IQSEC1: variants seen among roughly 807,000 people sequenced by gnomAD.
IQSEC1 encodes IQ motif and SEC7 domain-containing protein 1.
Under a neutral mutation model 91.0 loss-of-function variants are expected in IQSEC1, and 31 were observed. The ratio of observed to expected loss-of-function variants is 0.34; its 90% CI spans 0.26 to 0.46. The LOEUF (loss-of-function observed/expected upper bound fraction) is 0.46. Among genes scored for constraint, IQSEC1 ranks in the 20% least tolerant of loss-of-function variants. The pLI, the probability that IQSEC1 is intolerant of heterozygous loss-of-function variation, is 1.00. For missense variants in IQSEC1, 1,388 were observed against 1,575.6 expected, an observed-to-expected ratio of 0.88 and a Z score of 2.02; for synonymous variants, 699 against 662.6, an observed-to-expected ratio of 1.05 and a Z score of -0.84.
At chr3:13,003,931 G>A (rs982550395) in intron 1 of IQSEC1, among the ~76,000 whole-genome samples, 19 of 152,154 alleles carry the variant, frequency 1.2e-4, no homozygotes, top group African/African-American at 4.1e-4. Flanking sequence ...GGGAAAAATC[G>A]GTTTTTAAGA....
intron 2 of IQSEC1, among the ~76,000 whole-genome samples, chr3:13,113,527 G>T (rs938802200): frequency 6.6e-6 from 1 of 152,210 alleles, no homozygotes; most frequent in African/African-American, 2.4e-5. Flanking sequence ...TGCACCTGCC[G>T]CCCCTCAGGA....
intron 2 of IQSEC1, among the ~76,000 whole-genome samples, chr3:13,163,751 A>G (rs1362038329): frequency 7.1e-6 from 1 of 141,764 alleles, no homozygotes; most frequent in Non-Finnish European, 1.5e-5. Flanking sequence ...GCCCAGCCCC[A>G]GGGGTGTCAG....
At chr3:13,053,233 A>G in intron 1 of IQSEC1, 2 of 611,020 alleles carry the variant, frequency 3.3e-6, no homozygotes, top group South Asian at 1.8e-5. Flanking sequence ...CCATCCTTCC[A>G]TGAGCTTCTC....
At chr3:13,093,099 A>G (rs1030081562) in intron 2 of IQSEC1, among the ~76,000 whole-genome samples, 1 of 150,888 alleles carries the variant, frequency 6.6e-6, no homozygotes, top group Non-Finnish European at 1.5e-5. Flanking sequence ...TGACTAAATC[A>G]CATCTCGGTG....
Position 12,922,439 on chromosome 3 carries a change from A to G in IQSEC1, c.1731-197T>C, listed in dbSNP as rs555441637. ...CCTCCAGTCTTCTGGGGAGCCCACA[A>G]AGCCCCTGGAACTGTAGGGAAGCGC... is the stretch of plus-strand genomic sequence containing the variant. On this transcript the variant is annotated intron_variant, in intron 4 of 13. Coordinates refer to ENST00000613206, the MANE Select transcript of IQSEC1 (RefSeq NM_001134382.3). This position sits in a 1 kb window ranked among gnomAD's most constrained non-coding sequence, Gnocchi z 5.1. Among the ~76,000 whole-genome samples, 1 of 152,298 alleles carries G rather than the reference A, an allele frequency of 6.6e-6. No homozygotes were observed. Among genetic ancestry groups the G allele is most frequent in the East Asian group, 1.9e-4 (1 of 5,172 alleles).
chr3:13,142,925 C>G (rs775727140), intron 2 of IQSEC1, among the ~76,000 whole-genome samples: 16 of 152,214 alleles, frequency 1.1e-4, no homozygotes, highest in Non-Finnish European at 2.1e-4. Context: ...ACCAGCTGCC[C>G]CTGCCTGGGA....
intron 2 of IQSEC1, among the ~76,000 whole-genome samples, chr3:12,941,041 A>G (rs922162556): frequency 6.6e-6 from 1 of 152,312 alleles, no homozygotes; most frequent in South Asian, 2.1e-4. Flanking sequence ...TTCCCACAGG[A>G]GCAGGGAGGT....
At chr3:12,952,648 A>G (rs1699628849) in intron 1 of IQSEC1, among the ~76,000 whole-genome samples, 1 of 151,182 alleles carries the variant, frequency 6.6e-6, no homozygotes. Flanking sequence ...CCTCCTCTGA[A>G]CCCCCTGGCC....
At chr3:13,199,043 A>G (rs1197327575) in intron 1 of IQSEC1, among the ~76,000 whole-genome samples, 2 of 152,196 alleles carry the variant, frequency 1.3e-5, no homozygotes, top group African/African-American at 4.8e-5. Context: ...CCATGCACAT[A>G]AAGGGTGTGG....
intron 1 of IQSEC1, among the ~76,000 whole-genome samples, chr3:13,013,994 C>G (rs774326493): frequency 6.6e-6 from 1 of 152,152 alleles, no homozygotes; most frequent in Non-Finnish European, 1.5e-5. Flanking sequence ...TGGGCTGGAC[C>G]GAAATGGGCC....
chr3:13,281,157 C>T (rs866188613), intron 1 of IQSEC1, among the ~76,000 whole-genome samples: 3 of 152,204 alleles, frequency 2.0e-5, no homozygotes, highest in African/African-American at 7.2e-5. Flanking sequence ...GCCCTGGTGC[C>T]GCCTCCCCAA....
At position 12,989,386 on chromosome 3, in the gene IQSEC1, G is replaced by C. The variant is rs549697321; in HGVS notation, c.24-47521C>G. Among the ~76,000 whole-genome samples the C allele has an allele frequency of 3.9e-5, 6 of 152,276 alleles. No individual in the cohort carries two copies. In the South Asian group the frequency reaches 1.2e-3, roughly 32 times the overall value. On this transcript the variant is annotated intron_variant, in intron 1 of 13. Transcript: ENST00000613206. ...CTGTGATATCCCAAAGGAGAAAACA[G>C]AAAAACAACTGTATGATACTGACAC...
chr3:13,010,818 T>G (rs748633267), intron 1 of IQSEC1, among the ~76,000 whole-genome samples: 41 of 152,176 alleles, frequency 2.7e-4, no homozygotes, highest in Non-Finnish European at 4.6e-4. Flanking sequence ...GCCTTCCTTT[T>G]TGTCCTGAAC....
chr3:13,280,974 G>A (rs1695778855), intron 1 of IQSEC1, among the ~76,000 whole-genome samples: 1 of 150,892 alleles, frequency 6.6e-6, no homozygotes. Context: ...ATGCAACCCA[G>A]GGGGATGCCC....
At chr3:13,114,779 T>G (rs1576256727) in intron 2 of IQSEC1, among the ~76,000 whole-genome samples, 2 of 125,842 alleles carry the variant, frequency 1.6e-5, no homozygotes, top group Non-Finnish European at 3.1e-5. Flanking sequence ...GGTGACAGAG[T>G]GAGACATCGT....
intron 1 of IQSEC1, among the ~76,000 whole-genome samples, chr3:13,233,914 G>C (rs1694876585): frequency 6.6e-6 from 1 of 152,304 alleles, no homozygotes; most frequent in East Asian, 1.9e-4. Context: ...CCAAAAAGTG[G>C]GGAGGGTGAA....
Position 13,234,065 on chromosome 3 carries a change from C to A in IQSEC1, c.272+48646G>T, listed in dbSNP as rs142325408. ...CGGGATCCCAGTGGAATTTAAAATA[C>A]AAGCTTCCCCTAGCTCTCCAATGCT... On this transcript the variant is annotated intron_variant, in intron 1 of 15. Transcript: ENST00000648114. Among the ~76,000 whole-genome samples the A allele has an allele frequency of 4.6e-5, 7 of 152,370 alleles. No individual in the cohort carries two copies. In the East Asian group the frequency reaches 1.3e-3, roughly 29 times the overall value.
Position 12,899,100 on chromosome 3 carries a change from AT to A in IQSEC1, c.*1882del. On this transcript the variant is annotated 3_prime_UTR_variant, in exon 14 of 14. Coordinates refer to ENST00000613206, the MANE Select transcript of IQSEC1 (RefSeq NM_001134382.3). The stretch of plus-strand genomic sequence containing the variant: ...ATTGCTGTATTTGCTCTCTCTGGAG[AT>A]TAACAAAGTGCTTGGTTTGCAGATT... 3 of 504,726 alleles carry A rather than the reference AT, an allele frequency of 5.9e-6. No individual in the cohort carries two copies. 31.3% of individuals were successfully genotyped at this position (504,726 alleles called of 1,614,324 possible). A position where few individuals can be genotyped will look rare whatever the true frequency, so the allele number is the denominator to read the frequency against.
chr3:13,057,043 G>A lies in IQSEC1; in HGVS notation c.23+15949C>T, dbSNP rs535904540. On this transcript the variant is annotated intron_variant, in intron 1 of 13. Transcript: ENST00000613206. ...AGGATTTCTTTATGTGAACATAAGC[G>A]GACACATATGCACACAGAGACGGGC... 6.6e-5 allele frequency among the ~76,000 whole-genome samples: 10 copies of A among 152,148 alleles called. No homozygotes were observed. The South Asian group carries it at 1.0e-3, about 16-fold the overall frequency.
Sources: gnomAD v4.1 joint callset for allele counts (sites outside exome capture counted in the v4.1 genomes callset) on GRCh38, gnomAD v4.1.1 for gene constraint, Gnocchi (gnomAD v3.1) non-coding constraint, MANE v1.5 for transcripts, NCBI Gene and HGNC (gene_info 2026-07-23, HGNC 2026-07-21) for gene names.